The following COMMD10 variants were observed in gnomAD, a reference collection of about 807,000 sequenced individuals.
The protein encoded by COMMD10 is COMM domain-containing protein 10.
COMMD10 carries 33 observed loss-of-function variants against 28.9 expected under a neutral mutation model. That is an observed-to-expected ratio of 1.14 (90% CI 0.87 to 1.53). The LOEUF is 1.53. Among genes scored for constraint, COMMD10 ranks in the 40% most tolerant of loss-of-function variants. The probability of loss-of-function intolerance (pLI) is 0.00; values close to 1 mark genes in which losing one functional copy is unlikely to be tolerated. For synonymous variants in COMMD10, 110 were observed against 81.7 expected (o/e 1.35, Z -1.87); for missense variants, 310 against 233.4 (o/e 1.33, Z -2.14).
chr5:116,208,582 C>T lies in COMMD10; in HGVS notation c.510+74404C>T, dbSNP rs1748877535. 2.0e-5 allele frequency among the ~76,000 whole-genome samples: 3 copies of T among 152,176 alleles called. 1 individual carries two copies. Among genetic ancestry groups the T allele is most frequent in the South Asian group, 2.1e-4 (1 of 4,832 alleles). Reference sequence around the variant, plus strand: ...AGGGACCACAGTAATCTACCTTGGTCTATGTGACACTTGCACCTTTAGTAT... The same window carrying T: ...AGGGACCACAGTAATCTACCTTGGTTTATGTGACACTTGCACCTTTAGTAT... On this transcript the variant is annotated intron_variant, in intron 5 of 6. Transcript: ENST00000274458.
intron 5 of COMMD10, among the ~76,000 whole-genome samples, chr5:116,177,743 A>G (rs932313893): frequency 1.3e-5 from 2 of 152,040 alleles, no homozygotes; most frequent in African/African-American, 4.8e-5. Flanking sequence ...AATCCTTTAA[A>G]ACTTATATGC....
At chr5:116,136,928 A>G (rs796195416) in intron 5 of COMMD10, among the ~76,000 whole-genome samples, 3 of 152,112 alleles carry the variant, frequency 2.0e-5, no homozygotes, top group South Asian at 2.1e-4. Context: ...TTTCTCTTCT[A>G]TGGCATTGTA....
chr5:116,157,526 C>T (rs1235119520), intron 5 of COMMD10, among the ~76,000 whole-genome samples: 1 of 152,094 alleles, frequency 6.6e-6, no homozygotes, highest in Non-Finnish European at 1.5e-5. Flanking sequence ...TCAGAGACAG[C>T]AGAAAAGATG....
At position 116,218,146 on chromosome 5, in the gene COMMD10, C is replaced by T. The variant is rs1027041866; in HGVS notation, c.511-73371C>T. 12 of 1,133,312 alleles carry T rather than the reference C, an allele frequency of 1.1e-5. No individual in the cohort carries two copies. The African/African-American group carries it at 1.4e-4, about 13-fold the overall frequency. 70.2% of individuals were successfully genotyped at this position (1,133,312 alleles called of 1,614,324 possible). The stretch of plus-strand genomic sequence containing the variant: ...TTCCCTTTCTCCCTTTGGGTACCTT[C>T]TCTCCCTTCTTTGCAGGGGCCTTTT... On this transcript the variant is annotated intron_variant, in intron 5 of 6. Coordinates refer to ENST00000274458, the MANE Select transcript of COMMD10 (RefSeq NM_016144.4).
chr5:116,281,025 A>G (rs1396042934), intron 5 of COMMD10, among the ~76,000 whole-genome samples: 6 of 152,018 alleles, frequency 3.9e-5, no homozygotes, highest in Middle Eastern at 3.4e-3. Context: ...TTTTACTGAA[A>G]TATTCTATCT....
chr5:116,250,828 A>G (rs1750091296), intron 5 of COMMD10, among the ~76,000 whole-genome samples: 1 of 152,004 alleles, frequency 6.6e-6, no homozygotes, highest in Non-Finnish European at 1.5e-5. Flanking sequence ...AACTGGGACA[A>G]TTGGCTCACC....
chr5:116,263,246 T>C (rs1750496758), intron 5 of COMMD10, among the ~76,000 whole-genome samples: 3 of 151,794 alleles, frequency 2.0e-5, no homozygotes. Flanking sequence ...CTCTCATTTA[T>C]CTTGCCCAAA....
intron 5 of COMMD10, among the ~76,000 whole-genome samples, chr5:116,251,858 G>T (rs1750128788): frequency 6.6e-6 from 1 of 152,080 alleles, no homozygotes. Context: ...AGATCCCTGA[G>T]GATTCGCCAC....
At chr5:116,225,807 TG>T (rs1278027009) in intron 5 of COMMD10, among the ~76,000 whole-genome samples, 1 of 150,576 alleles carries the variant, frequency 6.6e-6, no homozygotes, top group Non-Finnish European at 1.5e-5. Flanking sequence ...TCTAAAATCT[TG>T]TTTTTTTTTT....
intron 5 of COMMD10, among the ~76,000 whole-genome samples, chr5:116,259,157 G>A (rs1449898661): frequency 6.7e-6 from 1 of 150,210 alleles, no homozygotes; most frequent in African/African-American, 2.5e-5. Flanking sequence ...CTGCTTCCTG[G>A]GTTCAAGTGA....
chr5:116,131,938 T>A (rs1371313481), intron 4 of COMMD10, among the ~76,000 whole-genome samples: 1 of 151,982 alleles, frequency 6.6e-6, no homozygotes, highest in Admixed American at 6.6e-5. Context: ...TAGTAATATG[T>A]TTTAGAACGT....
intron 5 of COMMD10, among the ~76,000 whole-genome samples, chr5:116,136,867 A>T (rs899793594): frequency 6.6e-6 from 1 of 152,124 alleles, no homozygotes; most frequent in Non-Finnish European, 1.5e-5. Context: ...TACATAAAAG[A>T]TATTTCTCTT....
intron 4 of COMMD10, among the ~76,000 whole-genome samples, chr5:116,104,908 C>T (rs1055540089): frequency 1.7e-4 from 26 of 152,132 alleles, no homozygotes; most frequent in African/African-American, 2.2e-4. Context: ...CGTGAGCCAC[C>T]GCACCCAGCC....
intron 5 of COMMD10, among the ~76,000 whole-genome samples, chr5:116,234,723 G>C (rs1034345267): frequency 1.3e-5 from 2 of 152,162 alleles, no homozygotes; most frequent in African/African-American, 4.8e-5. Flanking sequence ...CGAAAAAATA[G>C]TACTCGTTCT....
At chr5:116,256,273 T>G (rs1380875769) in intron 5 of COMMD10, among the ~76,000 whole-genome samples, 1 of 151,706 alleles carries the variant, frequency 6.6e-6, no homozygotes, top group African/African-American at 2.4e-5. Context: ...AGTGGAAACT[T>G]CAAATGGCAG....
chr5:116,173,001 C>T (rs1257249504), intron 5 of COMMD10, among the ~76,000 whole-genome samples: 1 of 152,032 alleles, frequency 6.6e-6, no homozygotes, highest in Non-Finnish European at 1.5e-5. Context: ...AAAATAATGG[C>T]AGTATTAGAA....
intron 5 of COMMD10, among the ~76,000 whole-genome samples, chr5:116,191,425 C>G (rs924107721): frequency 2.6e-5 from 4 of 151,646 alleles, no homozygotes; most frequent in African/African-American, 9.7e-5. Context: ...CACCCACCAC[C>G]TGGAAACAGA....
chr5:116,292,835 G>C lies in COMMD10; in HGVS notation c.*346G>C, dbSNP rs967512240. 2.5e-6 allele frequency: 1 copy of C among 395,652 alleles called. No homozygotes were observed. Among genetic ancestry groups the C allele is most frequent in the East Asian group, 3.6e-5 (1 of 27,876 alleles). The allele number at this position is 395,652 out of a possible 1,614,324, so 24.5% of individuals were successfully genotyped here. ...GGATGATACCATAATGTATCAAGGAGCGTCCATGGATACAAGATAAGATGT... is the reference window on the plus strand; with the variant it reads ...GGATGATACCATAATGTATCAAGGACCGTCCATGGATACAAGATAAGATGT... On this transcript the variant is annotated 3_prime_UTR_variant, in exon 7 of 7. Transcript: ENST00000274458.
chr5:116,111,404 A>G (rs1751039558), intron 4 of COMMD10, among the ~76,000 whole-genome samples: 1 of 88,922 alleles, frequency 1.1e-5, no homozygotes, highest in South Asian at 4.3e-4. Context: ...GCAGGTATTT[A>G]TTGCTGCAAA....
Sources: allele counts gnomAD v4.1 joint callset (sites outside exome capture counted in the v4.1 genomes callset), GRCh38; gene constraint gnomAD v4.1.1; transcripts MANE v1.5; gene names NCBI Gene and HGNC (gene_info 2026-07-23, HGNC 2026-07-21).